Variants in PCDH15 observed in about 807,000 individuals in gnomAD.
PCDH15 encodes protocadherin-15.
In PCDH15, 129 loss-of-function variants were observed where a neutral mutation model predicts 178.5. The ratio of observed to expected loss-of-function variants is 0.72; its 90% CI spans 0.63 to 0.84. The LOEUF (loss-of-function observed/expected upper bound fraction) is 0.84. Among genes scored for constraint, PCDH15 ranks in the 40% least tolerant of loss-of-function variants. The pLI is 0.00. For missense variants in PCDH15, 2,230 were observed against 2,099.9 expected (o/e 1.06, Z -1.21); for synonymous variants, 800 against 732.0 (o/e 1.09, Z -1.50).
At chr10:54,937,025 G>A (rs761791277) in intron 2 of PCDH15, among the ~76,000 whole-genome samples, 31 of 151,752 alleles carry the variant, frequency 2.0e-4, no homozygotes, top group Admixed American at 7.2e-4. Flanking sequence ...TTTGTGCATC[G>A]CGTAAGGAAC....
At chr10:55,036,437 A>C (rs1029390209) in intron 2 of PCDH15, among the ~76,000 whole-genome samples, 1 of 152,174 alleles carries the variant, frequency 6.6e-6, no homozygotes, top group Non-Finnish European at 1.5e-5. Context: ...GTATGTTAAG[A>C]GTCTTAGCTT....
intron 3 of PCDH15, among the ~76,000 whole-genome samples, chr10:54,818,971 C>T (rs1952992418): frequency 6.6e-6 from 1 of 151,834 alleles, no homozygotes; most frequent in African/African-American, 2.4e-5. Context: ...GTTGTGCAGA[C>T]TGAAGAGCTG....
chr10:55,188,604 C>CA (rs1839861018), intron 1 of PCDH15, among the ~76,000 whole-genome samples: 1 of 151,904 alleles, frequency 6.6e-6, no homozygotes, highest in African/African-American at 2.4e-5. Flanking sequence ...CCATTTTGCA[C>CA]AGCTCATCTA....
chr10:54,364,446 G>A (rs920959320), intron 5 of PCDH15, among the ~76,000 whole-genome samples: 1 of 152,008 alleles, frequency 6.6e-6, no homozygotes, highest in African/African-American at 2.4e-5. Context: ...TTAGCCATGT[G>A]GGGGACATGT....
chr10:54,681,264 A>G (rs1410942296), intron 1 of PCDH15, among the ~76,000 whole-genome samples: 2 of 152,288 alleles, frequency 1.3e-5, no homozygotes, highest in East Asian at 1.9e-4. Flanking sequence ...TATCTATTAA[A>G]CTACCAAATA....
chr10:53,860,461 T>G (rs1287217147), intron 27 of PCDH15, among the ~76,000 whole-genome samples: 1 of 152,126 alleles, frequency 6.6e-6, no homozygotes, highest in Non-Finnish European at 1.5e-5. Flanking sequence ...CCAGGCGTAG[T>G]GCCTCACACC....
intron 2 of PCDH15, among the ~76,000 whole-genome samples, chr10:55,029,424 T>C (rs7081992): frequency 0.57 from 86,388 of 151,820 alleles, 24,918 homozygotes; most frequent in East Asian, 0.75. Context: ...TTTAAATAAA[T>C]GATGTAGTTT....
intron 8 of PCDH15, among the ~76,000 whole-genome samples, chr10:54,240,695 G>C (rs527605296): frequency 7.2e-6 from 1 of 138,540 alleles, no homozygotes; most frequent in East Asian, 2.1e-4. Context: ...GCAGTGGCGC[G>C]ATCCCGGCTC....
intron 1 of PCDH15, among the ~76,000 whole-genome samples, chr10:55,249,082 A>T (rs1265088634): frequency 1.3e-5 from 2 of 152,218 alleles, no homozygotes; most frequent in Non-Finnish European, 2.9e-5. Flanking sequence ...GGAAGTAGAT[A>T]GATAAACAAA....
rs150713775 is a variant in PCDH15, at chr10:53,992,288, T to C, written c.2868+3361A>G. 8.3e-3 allele frequency among the ~76,000 whole-genome samples: 1,271 copies of C among 152,220 alleles called. 9 individuals carry two copies. The highest frequency in any genetic ancestry group is 0.031 in the Middle Eastern group (9 of 294). On this transcript the variant is annotated intron_variant, in intron 21 of 37. Coordinates refer to ENST00000644397, the MANE Select transcript of PCDH15 (RefSeq NM_001384140.1). Reference sequence around the variant, plus strand: ...CGTCTGAACATCAGAAGGAACAAACTCTGGACACACCATCTTTAAGAACTG... The same window carrying C: ...CGTCTGAACATCAGAAGGAACAAACCCTGGACACACCATCTTTAAGAACTG...
At chr10:54,723,546 G>A (rs1370375863) in intron 1 of PCDH15, among the ~76,000 whole-genome samples, 1 of 151,512 alleles carries the variant, frequency 6.6e-6, no homozygotes, top group African/African-American at 2.4e-5. Flanking sequence ...ATAGACAAAT[G>A]GGTCTTAATT....
chr10:54,145,749 T>C (rs2043843263), intron 14 of PCDH15, among the ~76,000 whole-genome samples: 1 of 151,908 alleles, frequency 6.6e-6, no homozygotes, highest in South Asian at 2.1e-4. Flanking sequence ...GTAGTAAGAG[T>C]TAAGGTACAG....
chr10:54,903,339 C>A (rs1954669066), intron 2 of PCDH15, among the ~76,000 whole-genome samples: 1 of 151,960 alleles, frequency 6.6e-6, no homozygotes, highest in Non-Finnish European at 1.5e-5. Context: ...TTACTCATTA[C>A]CTTTAAAGTA....
intron 8 of PCDH15, among the ~76,000 whole-genome samples, chr10:54,303,534 T>G (rs1199334267): frequency 6.6e-6 from 1 of 152,002 alleles, no homozygotes; most frequent in African/African-American, 2.4e-5. Context: ...AAATCTAGAG[T>G]AATGCAACTG....
In PCDH15 at chr10:53,888,576, GTTTT is replaced by G. The variant is rs71004492; in HGVS notation, c.3501+14663_3501+14666del. On this transcript the variant is annotated intron_variant, in intron 26 of 37. Transcript: ENST00000644397. ...GTCGCTTCACAATTTGATTTTGTCT[GTTTT>G]TTTTTTTTTTTTTTTTTTAGTCATT... Among the ~76,000 whole-genome samples the G allele has an allele frequency of 8.4e-3, 330 of 39,446 alleles. 4 individuals carry two copies. Among genetic ancestry groups the G allele is most frequent in the African/African-American group, 0.025 (287 of 11,318 alleles). 25.9% of individuals were successfully genotyped at this position (39,446 alleles called of 152,430 possible).
rs1169856404 is a variant in PCDH15 at position 54,332,314 on chromosome 10, TATA to T, written c.595-2611_595-2609del. On this transcript the variant is annotated intron_variant, in intron 6 of 37. Transcript: ENST00000644397. ...CTATATTACATATTATTATATATAA[TATA>T]ATATAATCTATATTATATATTATTA... Among the ~76,000 whole-genome samples the T allele has an allele frequency of 2.1e-5, 2 of 95,052 alleles. 1 individual carries two copies. Among genetic ancestry groups the T allele is most frequent in the Non-Finnish European group, 4.3e-5 (2 of 46,450 alleles). 62.4% of individuals were successfully genotyped at this position (95,052 alleles called of 152,430 possible).
At chr10:55,459,241 A>AAAAAAAAAG (rs10647110) in intron 2 of PCDH15, among the ~76,000 whole-genome samples, 41,594 of 133,786 alleles carry the variant, frequency 0.31, 7,462 homozygotes, top group East Asian at 0.51. Context: ...GCAAAAAAAA[A>AAAAAAAAAG]AAAGAAGGAA....
intron 18 of PCDH15, among the ~76,000 whole-genome samples, chr10:54,056,892 C>A (rs574274787): frequency 6.6e-6 from 1 of 152,222 alleles, no homozygotes; most frequent in Non-Finnish European, 1.5e-5. Flanking sequence ...TATACCCATT[C>A]CAAATGAGAG....
chr10:53,844,333 A>G (rs1268659935), intron 28 of PCDH15, among the ~76,000 whole-genome samples: 3 of 152,202 alleles, frequency 2.0e-5, no homozygotes, highest in South Asian at 2.1e-4. Context: ...ACTTAAGTAC[A>G]TGAAGGTTCA....
Sources: gnomAD v4.1 joint callset for allele counts (sites outside exome capture counted in the v4.1 genomes callset) on GRCh38, gnomAD v4.1.1 for gene constraint, MANE v1.5 for transcripts, NCBI Gene and HGNC (gene_info 2026-07-23, HGNC 2026-07-21) for gene names.